CLCN7: variants seen among roughly 807,000 people sequenced by gnomAD.
CLCN7 encodes Cl-/H+ antiporter 7, also known as H(+)/Cl(-) exchange transporter 7.
CLCN7 carries 60 observed loss-of-function variants against 102.1 expected under a neutral mutation model. That is an observed-to-expected ratio of 0.59 (90% CI 0.48 to 0.73). The LOEUF (loss-of-function observed/expected upper bound fraction) is 0.73, where lower values mean the gene tolerates loss of function less well. CLCN7 is among the 30% of genes least tolerant of loss of function. The pLI, the probability that CLCN7 is intolerant of heterozygous loss-of-function variation, is 0.00. For synonymous variants in CLCN7, 560 were observed against 490.5 expected, an observed-to-expected ratio of 1.14 and a Z score of -1.87; for missense variants, 962 against 1,125.7, an observed-to-expected ratio of 0.85 and a Z score of 2.08.
intron 14 of CLCN7, 92 bp from the exon 15 acceptor site, chr16:1,452,985 C>T (rs2038777882): frequency 6.7e-7 from 1 of 1,501,810 alleles, no homozygotes; most frequent in Non-Finnish European, 9.0e-7. Context: ...ATGGAGGACA[C>T]TGGGCCCGTG....
At chr16:1,474,287 C>G (rs2039119685) in intron 1 of CLCN7, 2 of 446,140 alleles carry the variant, frequency 4.5e-6, no homozygotes, top group Admixed American at 4.8e-5. Context: ...AAATACTCGT[C>G]ACTCCCAAGA....
At chr16:1,449,207 C>T in intron 18 of CLCN7, 69 bp downstream of exon 18, 1 of 1,571,260 alleles carries the variant, frequency 6.4e-7, no homozygotes, top group Non-Finnish European at 8.6e-7. Context: ...CCTAGCCCCG[C>T]AAGGACAGCC....
chr16:1,455,844 T>G, intron 10 of CLCN7, 49 bp from the exon 11 acceptor site: 7 of 1,589,418 alleles, frequency 4.4e-6, no homozygotes, highest in Non-Finnish European at 6.0e-6. Flanking sequence ...CAGGGCACCA[T>G]GCCCACCACC....
intron 7 of CLCN7, among the ~76,000 whole-genome samples, chr16:1,458,645 T>C (rs1312624249): frequency 3.9e-5 from 6 of 152,228 alleles, no homozygotes; most frequent in Non-Finnish European, 7.3e-5. Flanking sequence ...TAAGGAACGA[T>C]GGCGGCACAG....
rs1454222473 is a variant in CLCN7, at chr16:1,461,422, G to A, written c.334C>T (p.Arg112Trp). 5.2e-6 allele frequency: 8 copies of A among 1,552,440 alleles called. No individual in the cohort carries two copies. The highest frequency in any genetic ancestry group is 1.2e-5 in the South Asian group (1 of 84,258). The change falls in exon 4 of 25, where the codon CGG becomes TGG. Residue 112 changes from arginine (R) to tryptophan (W), a missense_variant. Around this residue, in one of 2 missense-constraint regions of CLCN7, gnomAD observed 799 missense variants for 988.0 expected, o/e 0.81. Transcript: ENST00000382745. ...SENQLFLEEE[R>W]RINHTAFRTV... ...CAGCTCACCGTGTGATTGATCCGCC[G>A]CTCCTCCTCCAGGAACAGCTGGTTC...
In CLCN7 at chr16:1,453,875, C is replaced by T. The variant is rs1355538651; in HGVS notation, c.1173G>A (p.Val391=). 6.2e-7 allele frequency: 1 copy of T among 1,613,348 alleles called. No homozygotes were observed. Among genetic ancestry groups the T allele is most frequent in the Non-Finnish European group, 8.5e-7 (1 of 1,180,028 alleles). ...TCAGCCAGTAGTTCAAGGCATTGAA[C>T]ACTGCTCCAAGCACACCGCCTGCGA... ...MGVVGGVLGA[V]FNALNYWLTM... Residue 391 remains valine (V), a synonymous_variant, in exon 14 of 25, where the codon GTG becomes GTA. Coordinates refer to ENST00000382745, the MANE Select transcript of CLCN7 (RefSeq NM_001287.6).
intron 13 of CLCN7, 131 bp downstream of exon 13, chr16:1,454,280 G>C (rs560998851): frequency 1.5e-4 from 134 of 873,094 alleles, no homozygotes; most frequent in Non-Finnish European, 2.4e-4. Context: ...GAAGAATCTG[G>C]AGGCCCCCGG....
chr16:1,447,273 CAG>C (rs1281909072), intron 23 of CLCN7, 117 bp downstream of exon 23: 4 of 1,228,194 alleles, frequency 3.3e-6, no homozygotes, highest in Non-Finnish European at 4.5e-6. Flanking sequence ...TCACAGGAGA[CAG>C]AGTCACCGAG....
intron 6 of CLCN7, among the ~76,000 whole-genome samples, chr16:1,460,050 A>G (rs879922443): frequency 6.6e-6 from 1 of 152,024 alleles, no homozygotes; most frequent in African/African-American, 2.4e-5. Flanking sequence ...GAAGGGTCTC[A>G]TGTCGTTGGG....
chr16:1,448,517 A>G, intron 20 of CLCN7, 33 bp from the exon 21 acceptor site: 1 of 1,605,756 alleles, frequency 6.2e-7, no homozygotes, highest in Middle Eastern at 1.7e-4. Context: ...CATGCCCGTC[A>G]CACGCCACCA....
At chr16:1,465,225 G>T (rs769652196) in intron 2 of CLCN7, 42 bp downstream of exon 2, 1 of 1,583,736 alleles carries the variant, frequency 6.3e-7, no homozygotes, top group Admixed American at 1.7e-5. Flanking sequence ...CTGCTAAGAT[G>T]CAGCTAGCTC....
chr16:1,448,521 GCCA>G (rs2038690684), intron 20 of CLCN7, 37 bp from the exon 21 acceptor site: 1 of 1,604,184 alleles, frequency 6.2e-7, no homozygotes, highest in Non-Finnish European at 8.5e-7. Flanking sequence ...CCCGTCACAC[GCCA>G]CCAACTCCCA....
chr16:1,474,875 T>TC lies in CLCN7; in HGVS notation c.99dup (p.Thr34AspfsTer33), dbSNP rs2039129827. 4 of 1,441,796 alleles carry TC rather than the reference T, an allele frequency of 2.8e-6. No individual in the cohort carries two copies. The highest frequency in any genetic ancestry group is 2.5e-5 in the Admixed American group (1 of 40,440). The allele number at this position is 1,441,796 out of a possible 1,614,324, so 89.3% of individuals were successfully genotyped here. A position where few individuals can be genotyped will look rare whatever the true frequency, so the allele number is the denominator to read the frequency against. Reference sequence around the variant, plus strand: ...GGCCCAGCCCCGTTCAGCAGCGGCGTCCCCCCGCCGGGCCGCGCCGTCCTC... The same window carrying TC: ...GGCCCAGCCCCGTTCAGCAGCGGCGTCCCCCCCGCCGGGCCGCGCCGTCCTC... On this transcript the variant is annotated frameshift_variant, in exon 1 of 25. Transcript: ENST00000382745. LOFTEE classifies it high-confidence loss of function.
At chr16:1,468,901 C>T (rs2039040859) in intron 1 of CLCN7, among the ~76,000 whole-genome samples, 1 of 151,852 alleles carries the variant, frequency 6.6e-6, no homozygotes, top group South Asian at 2.1e-4. Flanking sequence ...ATTTAAAAGT[C>T]AAAAAAGGGC....
At chr16:1,448,876 C>T (rs1026187628) in intron 19 of CLCN7, 90 bp downstream of exon 19, 20 of 1,599,702 alleles carry the variant, frequency 1.3e-5, no homozygotes, top group Non-Finnish European at 1.7e-5. Flanking sequence ...GAGCCTACCC[C>T]CCGGGACCGG....
chr16:1,454,548 T>G, intron 12 of CLCN7, 83 bp from the exon 13 acceptor site: 1 of 1,314,598 alleles, frequency 7.6e-7, no homozygotes, highest in East Asian at 2.3e-5. Context: ...GACCACCATC[T>G]TAAGAGAGCT....
intron 1 of CLCN7, among the ~76,000 whole-genome samples, chr16:1,472,122 G>A (rs531211594): frequency 2.0e-5 from 3 of 152,268 alleles, no homozygotes; most frequent in Admixed American, 6.5e-5. Flanking sequence ...TGCGTCCCAG[G>A]CAGCCACAGA....
At chr16:1,447,171 C>T (rs983333766) in intron 23 of CLCN7, 85 bp from the exon 24 acceptor site, 25 of 1,353,988 alleles carry the variant, frequency 1.8e-5, no homozygotes, top group African/African-American at 4.3e-5. Flanking sequence ...CTGCACCCCC[C>T]ACCACGGCGT....
chr16:1,456,153 C>A lies in CLCN7; in HGVS notation c.876G>T (p.Gly292=), dbSNP rs1441784501. 6 of 1,565,984 alleles carry A rather than the reference C, an allele frequency of 3.8e-6. No homozygotes were observed. The East Asian group carries it at 9.5e-5, about 25-fold the overall frequency. Residue 292 remains glycine, a synonymous_variant, in exon 10 of 25, where the codon GGG becomes GGT. Coordinates refer to ENST00000382745, the MANE Select transcript of CLCN7 (RefSeq NM_001287.6). ...ACGCCGCTGACACTCCGGCCGCAGC[C>A]CCTGCGGAGACGAAGTCCCGCTTCT... is the stretch of plus-strand genomic sequence containing the variant. ...DTEKRDFVSA[G]AAAGVSAAFG...
Sources: gnomAD v4.1 joint callset for allele counts (sites outside exome capture counted in the v4.1 genomes callset) on GRCh38, gnomAD v4.1.1 for gene constraint, gnomAD v4.1.1 regional missense constraint, MANE v1.5 for transcripts, NCBI Gene and HGNC (gene_info 2026-07-23, HGNC 2026-07-21) for gene names.